Variants in INPP4B observed in about 807,000 individuals in gnomAD.
INPP4B encodes the protein inositol polyphosphate-4-phosphatase type II B, also known as inositol polyphosphate 4-phosphatase type II.
A neutral mutation model predicts 122.5 loss-of-function variants in INPP4B; 55 were observed. The observed-to-expected ratio is 0.45, with a 90% CI of 0.36 to 0.56. INPP4B has a LOEUF of 0.56. Among genes scored for constraint, INPP4B ranks in the 20% least tolerant of loss-of-function variants. The pLI is 0.00. For missense variants in INPP4B, 1,000 were observed against 1,097.7 expected, an observed-to-expected ratio of 0.91 and a Z score of 1.26; for synonymous variants, 403 against 388.7, an observed-to-expected ratio of 1.04 and a Z score of -0.43.
At chr4:142,825,545 T>C (rs948864319) in intron 1 of INPP4B, among the ~76,000 whole-genome samples, 4 of 152,100 alleles carry the variant, frequency 2.6e-5, no homozygotes, top group African/African-American at 9.7e-5. Context: ...AAGAAGCTTA[T>C]AATCTAGTAG....
intron 2 of INPP4B, among the ~76,000 whole-genome samples, chr4:142,677,631 G>A (rs1758004176): frequency 6.6e-6 from 1 of 152,040 alleles, no homozygotes; most frequent in Non-Finnish European, 1.5e-5. Context: ...AGAAAATGTG[G>A]CACATATACA....
intron 10 of INPP4B, among the ~76,000 whole-genome samples, chr4:142,268,823 T>C (rs1744309546): frequency 6.6e-6 from 1 of 152,126 alleles, no homozygotes; most frequent in East Asian, 1.9e-4. Flanking sequence ...CCAAACTCAC[T>C]ATGTCGGAAG....
intron 1 of INPP4B, among the ~76,000 whole-genome samples, chr4:142,728,077 G>A (rs1037514500): frequency 3.3e-5 from 5 of 152,170 alleles, no homozygotes; most frequent in African/African-American, 9.7e-5. Context: ...CCACATTAAC[G>A]TAAGGTCCAC....
chr4:142,123,445 G>A, intron 19 of INPP4B, 30 bp from the exon 20 acceptor site: 2 of 1,600,964 alleles, frequency 1.2e-6, no homozygotes, highest in South Asian at 1.1e-5. Flanking sequence ...GAGATTTACT[G>A]CAGTTAGCAA....
At chr4:142,550,414 T>C (rs1459607859) in intron 2 of INPP4B, among the ~76,000 whole-genome samples, 1 of 152,044 alleles carries the variant, frequency 6.6e-6, no homozygotes, top group Non-Finnish European at 1.5e-5. Context: ...TTAGTAATCT[T>C]GGTAGAGAAG....
At chr4:142,494,513 C>G (rs562539718) in intron 2 of INPP4B, among the ~76,000 whole-genome samples, 1 of 152,062 alleles carries the variant, frequency 6.6e-6, no homozygotes, top group East Asian at 1.9e-4. Context: ...TCCTTGTGTG[C>G]AATTCTGCAG....
chr4:142,237,515 A>T (rs1431650081), intron 12 of INPP4B, among the ~76,000 whole-genome samples: 1 of 152,106 alleles, frequency 6.6e-6, no homozygotes, highest in Admixed American at 6.6e-5. Context: ...AGCGTGGCTA[A>T]GAATTAAAGA....
At chr4:142,049,150 TA>T (rs1365409531) in intron 25 of INPP4B, among the ~76,000 whole-genome samples, 1 of 151,662 alleles carries the variant, frequency 6.6e-6, no homozygotes, top group Non-Finnish European at 1.5e-5. Context: ...TTACAGTAAT[TA>T]AAAAAAATGT....
chr4:142,398,386 AAAAAAAAAAAAAAAAATATATATAT>A (rs1348184964), intron 7 of INPP4B, among the ~76,000 whole-genome samples: 1 of 23,736 alleles, frequency 4.2e-5, no homozygotes. Context: ...TAAAAAAAAA[AAAAAAAAAAAAAAAAATATATATAT>A]ATATATATAT....
At chr4:142,594,493 C>G (rs979645255) in intron 2 of INPP4B, among the ~76,000 whole-genome samples, 4 of 152,060 alleles carry the variant, frequency 2.6e-5, no homozygotes, top group African/African-American at 9.7e-5. Context: ...AAAACAGACA[C>G]AGAGAGAAAG....
intron 18 of INPP4B, 39 bp from the exon 19 acceptor site, chr4:142,124,799 G>A (rs1578993601): frequency 7.2e-7 from 1 of 1,380,864 alleles, no homozygotes; most frequent in Non-Finnish European, 9.6e-7. Context: ...AATAGATGAA[G>A]GAAGGTCTTG....
At chr4:142,624,269 G>GAA (rs1473944338) in intron 2 of INPP4B, among the ~76,000 whole-genome samples, 5 of 151,810 alleles carry the variant, frequency 3.3e-5, no homozygotes, top group South Asian at 4.2e-4. Flanking sequence ...TCTAACTGGT[G>GAA]TGAGATGGTA....
At chr4:142,193,033 C>T (rs1836675012) in intron 15 of INPP4B, 54 bp downstream of exon 15, 1 of 1,087,108 alleles carries the variant, frequency 9.2e-7, no homozygotes, top group African/African-American at 1.5e-5. Flanking sequence ...ATAGACTTCC[C>T]CAAAGGGGAG....
intron 2 of INPP4B, among the ~76,000 whole-genome samples, chr4:142,468,914 G>C (rs1202934507): frequency 3.9e-5 from 6 of 151,988 alleles, no homozygotes; most frequent in African/African-American, 1.4e-4. Context: ...TTCCCTAATA[G>C]GTCCAGCATT....
chr4:142,100,329 C>T (rs1404297984), intron 23 of INPP4B, among the ~76,000 whole-genome samples: 1 of 152,096 alleles, frequency 6.6e-6, no homozygotes, highest in African/African-American at 2.4e-5. Context: ...ATGGCTCCAG[C>T]TCCCACTGGG....
At chr4:142,160,795 C>T (rs185439101) in intron 16 of INPP4B, among the ~76,000 whole-genome samples, 89 of 152,118 alleles carry the variant, frequency 5.9e-4, no homozygotes, top group African/African-American at 2.0e-3. Flanking sequence ...TTTAAATGCA[C>T]TATAAACACC....
chr4:142,051,577 T>C lies in INPP4B; in HGVS notation c.2643-22663A>G, dbSNP rs1578732017. ...ATACATAAAAAAGTCTTACATATAA[T>C]GTATGTTGTGATATTCGAAGGAGAT... On this transcript the variant is annotated intron_variant, in intron 25 of 25. Transcript: ENST00000262992. Among the ~76,000 whole-genome samples, 6 of 152,144 alleles carry C rather than the reference T, an allele frequency of 3.9e-5. No individual in the cohort carries two copies. In the South Asian group the frequency reaches 1.0e-3, roughly 26 times the overall value.
chr4:142,153,079 T>C (rs1393604203), intron 17 of INPP4B, among the ~76,000 whole-genome samples: 1 of 152,246 alleles, frequency 6.6e-6, no homozygotes, highest in East Asian at 1.9e-4. Flanking sequence ...TGCCACATCA[T>C]GCTAAAGCTT....
At chr4:142,233,009 A>C (rs1352790575) in intron 12 of INPP4B, among the ~76,000 whole-genome samples, 3 of 152,188 alleles carry the variant, frequency 2.0e-5, no homozygotes, top group African/African-American at 7.2e-5. Context: ...TTGGTTCATG[A>C]AGTTTAAGGA....
Sources: gnomAD v4.1 joint callset for allele counts (sites outside exome capture counted in the v4.1 genomes callset) on GRCh38, gnomAD v4.1.1 for gene constraint, MANE v1.5 for transcripts, NCBI Gene and HGNC (gene_info 2026-07-23, HGNC 2026-07-21) for gene names.